Variants in HIVEP1 observed in about 807,000 individuals in gnomAD.
The protein encoded by HIVEP1 is zinc finger protein 40.
Under a neutral mutation model 180.0 loss-of-function variants are expected in HIVEP1, and 36 were observed. That is an observed-to-expected ratio of 0.20 (90% CI 0.15 to 0.26). The LOEUF (loss-of-function observed/expected upper bound fraction) is 0.26, where lower values mean the gene tolerates loss of function less well. Ranked by LOEUF, HIVEP1 falls within the 10% of genes least tolerant of loss-of-function variation. The pLI is 1.00. For synonymous variants in HIVEP1, 1,239 were observed against 1,239.0 expected, an observed-to-expected ratio of 1.00 and a Z score of 0.00; for missense variants, 3,143 against 3,268.7, an observed-to-expected ratio of 0.96 and a Z score of 0.94.
chr6:12,077,783 T>C (rs1049030380), intron 2 of HIVEP1, among the ~76,000 whole-genome samples: 5 of 152,226 alleles, frequency 3.3e-5, no homozygotes, highest in Non-Finnish European at 7.4e-5. Context: ...TCATCTTCTG[T>C]GCCTCTCAGT....
intron 2 of HIVEP1, among the ~76,000 whole-genome samples, chr6:12,025,184 G>C (rs759246038): frequency 3.9e-4 from 59 of 152,152 alleles, no homozygotes; most frequent in Non-Finnish European, 7.9e-4. Context: ...GCTTATACTT[G>C]CTGATGTTGA....
At chr6:12,108,642 C>T (rs578210759) in intron 3 of HIVEP1, among the ~76,000 whole-genome samples, 1 of 152,350 alleles carries the variant, frequency 6.6e-6, no homozygotes, top group East Asian at 1.9e-4. Context: ...GTGCTAAGCC[C>T]CTCATTGCCC....
At position 12,163,723 on chromosome 6, in the gene HIVEP1, C is replaced by T. The variant is rs374507026; in HGVS notation, c.7419C>T (p.Arg2473=). The change falls in exon 9 of 9, where the codon CGC becomes CGT. Residue 2473 remains arginine, a synonymous_variant. Transcript: ENST00000379388. ...CATGTATTCCTATCGGCCAAATCCG[C>T]GTGCCAGGCCTTCAGAACCTAAGTA... The part of the protein sequence containing the change: ...VVPCIPIGQI[R]VPGLQNLSTP... The T allele has an allele frequency of 5.4e-5, 87 of 1,613,932 alleles. No homozygotes were observed. Among genetic ancestry groups the T allele is most frequent in the Non-Finnish European group, 7.1e-5 (84 of 1,180,028 alleles).
intron 2 of HIVEP1, among the ~76,000 whole-genome samples, chr6:12,035,218 G>A (rs1051453599): frequency 6.6e-6 from 1 of 152,194 alleles, no homozygotes; most frequent in African/African-American, 2.4e-5. Flanking sequence ...AACTTGGAGT[G>A]TATCTGTTCA....
intron 7 of HIVEP1, among the ~76,000 whole-genome samples, chr6:12,143,621 G>T (rs1293462714): frequency 6.6e-6 from 1 of 152,158 alleles, no homozygotes; most frequent in African/African-American, 2.4e-5. Context: ...TGACATGATT[G>T]TATATTTAGA....
intron 2 of HIVEP1, among the ~76,000 whole-genome samples, chr6:12,022,032 T>A (rs2113604997): frequency 6.6e-6 from 1 of 152,362 alleles, no homozygotes; most frequent in Non-Finnish European, 1.5e-5. Context: ...TTGTTTACAT[T>A]TTTGAACCTC....
At chr6:12,178,256 C>T in the HIVEP1 span, among the ~76,000 whole-genome samples, 4 of 152,092 alleles carry the variant, frequency 2.6e-5, no homozygotes, top group East Asian at 3.9e-4. Flanking sequence ...ACAAGTTGGT[C>T]GGGAAAAGTC....
chr6:12,115,681 T>A (rs1216751440), intron 3 of HIVEP1, among the ~76,000 whole-genome samples: 1 of 152,166 alleles, frequency 6.6e-6, no homozygotes, highest in Non-Finnish European at 1.5e-5. Context: ...CTTCCCAATC[T>A]GACTGTAAGT....
chr6:12,081,293 G>A (rs1285402668), intron 2 of HIVEP1, among the ~76,000 whole-genome samples: 2 of 152,156 alleles, frequency 1.3e-5, no homozygotes, highest in Non-Finnish European at 2.9e-5. Context: ...CTGTTCAGCA[G>A]TGCTTTTGTC....
Position 12,164,520 on chromosome 6 carries a change from C to G in HIVEP1, c.*59C>G, listed in dbSNP as rs1209786308. ...TAACACTTAAAGGTTTCTTTGAAAA[C>G]CCTCCTTTCCTTAAAGCACATTTTT... On this transcript the variant is annotated 3_prime_UTR_variant, in exon 9 of 9. Coordinates refer to ENST00000379388, the MANE Select transcript of HIVEP1 (RefSeq NM_002114.4). 2 of 1,304,528 alleles carry G rather than the reference C, an allele frequency of 1.5e-6. No individual in the cohort carries two copies. Among genetic ancestry groups the G allele is most frequent in the Non-Finnish European group, 2.1e-6 (2 of 959,546 alleles). The allele number at this position is 1,304,528 out of a possible 1,614,324, so 80.8% of individuals were successfully genotyped here.
intron 2 of HIVEP1, among the ~76,000 whole-genome samples, chr6:12,076,347 A>G (rs1197731528): frequency 2.0e-5 from 3 of 152,232 alleles, no homozygotes; most frequent in Non-Finnish European, 4.4e-5. Flanking sequence ...CTCACAAGAA[A>G]AAATAGTTCA....
chr6:12,074,593 C>T (rs542270539), intron 2 of HIVEP1, among the ~76,000 whole-genome samples: 5 of 144,308 alleles, frequency 3.5e-5, no homozygotes, highest in South Asian at 4.4e-4. Flanking sequence ...CTCCATAGAT[C>T]GCTGCAGTCC....
chr6:12,043,235 T>C (rs1214169507), intron 2 of HIVEP1, among the ~76,000 whole-genome samples: 2 of 152,156 alleles, frequency 1.3e-5, no homozygotes, highest in Non-Finnish European at 2.9e-5. Flanking sequence ...AAGTCTCTGT[T>C]TTTACCTACT....
intron 2 of HIVEP1, among the ~76,000 whole-genome samples, chr6:12,071,150 C>T (rs1047896904): frequency 1.3e-5 from 2 of 152,190 alleles, no homozygotes; most frequent in South Asian, 4.1e-4. Context: ...TACACATTGA[C>T]TTCTCATCCC....
intron 2 of HIVEP1, among the ~76,000 whole-genome samples, chr6:12,067,783 G>T (rs1202423820): frequency 6.6e-6 from 1 of 152,046 alleles, no homozygotes; most frequent in Non-Finnish European, 1.5e-5. Flanking sequence ...CTCTGGTAGG[G>T]AAGGGAAGGT....
In HIVEP1 at chr6:12,123,963, T is replaced by G; in HGVS notation, c.4168T>G (p.Cys1390Gly). ...VSDLRSKSFD[C>G]GSITPPQTTP... is the part of the protein sequence containing the mutation. The stretch of plus-strand genomic sequence containing the variant: ...TGATCTCAGAAGCAAATCATTCGAT[T>G]GTGGAAGCATCACCCCACCCCAGAC... The change falls in exon 4 of 9, where the codon TGT becomes GGT. Residue 1390 changes from cysteine (C) to glycine (G), a missense_variant. Around this residue, in one of 12 missense-constraint regions of HIVEP1, gnomAD observed 1,357 missense variants for 1,260.5 expected, o/e 1.08. Coordinates refer to ENST00000379388, the MANE Select transcript of HIVEP1 (RefSeq NM_002114.4). 6.2e-7 allele frequency: 1 copy of G among 1,614,144 alleles called. No individual in the cohort carries two copies.
the HIVEP1 span, among the ~76,000 whole-genome samples, chr6:12,170,826 C>T: frequency 9.2e-5 from 14 of 151,954 alleles, no homozygotes; most frequent in Non-Finnish European, 1.8e-4. Flanking sequence ...TAATAACTTA[C>T]GGGAGAGTGA....
the HIVEP1 span, among the ~76,000 whole-genome samples, chr6:12,173,991 G>C: frequency 1.3e-5 from 2 of 152,142 alleles, no homozygotes; most frequent in African/African-American, 4.8e-5. Context: ...CAGCAGTAGT[G>C]CCCTTTAATA....
Position 12,125,731 on chromosome 6 carries a change from G to A in HIVEP1, c.5936G>A (p.Gly1979Asp), listed in dbSNP as rs1758030107. 1 of 1,613,992 alleles carries A rather than the reference G, an allele frequency of 6.2e-7. No homozygotes were observed. The highest frequency in any genetic ancestry group is 1.7e-5 in the Admixed American group (1 of 60,000). ...TVSASNPNPL[G>D]LPTKVALALL... ...AGCGCCAGTAATCCAAATCCACTCG[G>A]TTTGCCCACAAAAGTTGCACTTGCT... is the stretch of plus-strand genomic sequence containing the variant. Residue 1979 changes from glycine (G) to aspartate (D), a missense_variant, in exon 4 of 9, where the codon GGT becomes GAT. By Grantham distance (94) the Gly-to-Asp change is moderately conservative (BLOSUM62 -1). Around this residue, in one of 12 missense-constraint regions of HIVEP1, gnomAD observed 1,357 missense variants for 1,260.5 expected, o/e 1.08. Transcript: ENST00000379388.
Sources: gnomAD v4.1 joint callset for allele counts (sites outside exome capture counted in the v4.1 genomes callset) on GRCh38, gnomAD v4.1.1 for gene constraint, gnomAD v4.1.1 regional missense constraint, MANE v1.5 for transcripts, NCBI Gene and HGNC (gene_info 2026-07-23, HGNC 2026-07-21) for gene names.